Variants in SLC16A7 observed in about 807,000 individuals in gnomAD.
The protein encoded by SLC16A7 is monocarboxylate transporter 2.
In SLC16A7, 33 loss-of-function variants were observed where a neutral mutation model predicts 34.9. That is an observed-to-expected ratio of 0.94 (90% CI 0.72 to 1.26). The LOEUF (loss-of-function observed/expected upper bound fraction) is 1.26, where lower values mean the gene tolerates loss of function less well. Among genes scored for constraint, SLC16A7 ranks in the 50% most tolerant of loss-of-function variants. The probability of loss-of-function intolerance (pLI) is 0.00; values close to 1 mark genes in which losing one functional copy is unlikely to be tolerated. For missense variants in SLC16A7, 573 were observed against 578.1 expected (o/e 0.99, Z 0.09); for synonymous variants, 201 against 206.6 (o/e 0.97, Z 0.23).
At chr12:59,611,678 A>G (rs1242968387) in intron 1 of SLC16A7, among the ~76,000 whole-genome samples, 3 of 152,204 alleles carry the variant, frequency 2.0e-5, no homozygotes, top group Non-Finnish European at 2.9e-5. Flanking sequence ...TGAGCCTGTA[A>G]AATCAAAAGC....
intron 3 of SLC16A7, among the ~76,000 whole-genome samples, chr12:59,752,901 G>A (rs1268240838): frequency 6.6e-6 from 1 of 152,198 alleles, no homozygotes; most frequent in Non-Finnish European, 1.5e-5. Context: ...ACTAACAGCG[G>A]ATCTCTCGGC....
At chr12:59,648,760 C>T (rs1868293816) in intron 1 of SLC16A7, among the ~76,000 whole-genome samples, 1 of 152,050 alleles carries the variant, frequency 6.6e-6, no homozygotes, top group African/African-American at 2.4e-5. Flanking sequence ...GTAAGTAGAA[C>T]ATCAATGTTT....
intron 3 of SLC16A7, among the ~76,000 whole-genome samples, chr12:59,709,034 T>C (rs1379402380): frequency 6.6e-6 from 1 of 151,640 alleles, no homozygotes; most frequent in African/African-American, 2.4e-5. Flanking sequence ...TTAAACTTTC[T>C]ACACTGTTTA....
intron 4 of SLC16A7, among the ~76,000 whole-genome samples, chr12:59,773,993 C>G (rs1056466694): frequency 6.6e-6 from 1 of 152,176 alleles, no homozygotes. Flanking sequence ...GACAGTGGGA[C>G]TTTGGCTCAT....
chr12:59,680,244 A>G (rs1383815016), intron 2 of SLC16A7, among the ~76,000 whole-genome samples: 1 of 152,234 alleles, frequency 6.6e-6, no homozygotes, highest in African/African-American at 2.4e-5. Flanking sequence ...ACAGGGCATC[A>G]GTGAGGTGGT....
At chr12:59,620,747 G>A (rs140251397) in intron 1 of SLC16A7, among the ~76,000 whole-genome samples, 72 of 151,958 alleles carry the variant, frequency 4.7e-4, no homozygotes, top group African/African-American at 1.7e-3. Flanking sequence ...TCAAATGTAC[G>A]ATAAGAACAT....
intron 3 of SLC16A7, among the ~76,000 whole-genome samples, chr12:59,724,644 C>T (rs1306268539): frequency 2.0e-5 from 3 of 151,818 alleles, no homozygotes; most frequent in African/African-American, 7.3e-5. Context: ...GAGATATTTG[C>T]CAAGCTGCAT....
intron 3 of SLC16A7, among the ~76,000 whole-genome samples, chr12:59,728,401 A>G (rs1876541725): frequency 6.6e-6 from 1 of 152,242 alleles, no homozygotes; most frequent in Admixed American, 6.5e-5. Flanking sequence ...CAATTTGCAG[A>G]TAAATGATAA....
intron 3 of SLC16A7, among the ~76,000 whole-genome samples, chr12:59,708,673 C>T (rs548120149): frequency 6.6e-6 from 1 of 152,038 alleles, no homozygotes; most frequent in African/African-American, 2.4e-5. Context: ...CTATTAATCA[C>T]TACTGTGGGG....
intron 1 of SLC16A7, among the ~76,000 whole-genome samples, chr12:59,643,826 G>A (rs917154558): frequency 6.6e-5 from 10 of 152,156 alleles, no homozygotes; most frequent in South Asian, 2.1e-4. Flanking sequence ...GAAGAAAATC[G>A]TGGTGTTACA....
At chr12:59,672,510 C>T (rs1002775305) in intron 2 of SLC16A7, among the ~76,000 whole-genome samples, 2 of 151,840 alleles carry the variant, frequency 1.3e-5, no homozygotes, top group Non-Finnish European at 2.9e-5. Context: ...CTTCCAGTCC[C>T]ACATTCCAGC....
chr12:59,634,948 T>C (rs1045683524), intron 1 of SLC16A7, among the ~76,000 whole-genome samples: 3 of 152,074 alleles, frequency 2.0e-5, no homozygotes, highest in Non-Finnish European at 4.4e-5. Context: ...TGTTATGGTT[T>C]CCACATTCTA....
rs1883767675 is a variant in SLC16A7 at position 59,788,403 on chromosome 12, T to C, written c.*8724T>C. On this transcript the variant is annotated 3_prime_UTR_variant, in exon 6 of 6. Coordinates refer to ENST00000547379, the MANE Select transcript of SLC16A7 (RefSeq NM_001270623.2). ...GTAGTTGTCTTGTTTATTCTATAGATATCTTAATGACCACTGAACAAATGA... is the reference window on the plus strand; with the variant it reads ...GTAGTTGTCTTGTTTATTCTATAGACATCTTAATGACCACTGAACAAATGA... 1 of 152,112 alleles carries C rather than the reference T, an allele frequency of 6.6e-6. No individual in the cohort carries two copies. Among genetic ancestry groups the C allele is most frequent in the Admixed American group, 6.6e-5 (1 of 15,264 alleles). The allele number at this position is 152,112 out of a possible 1,614,324, so 9.4% of individuals were successfully genotyped here.
At chr12:59,597,351 T>C (rs1209015222) in intron 1 of SLC16A7, among the ~76,000 whole-genome samples, 1 of 151,978 alleles carries the variant, frequency 6.6e-6, no homozygotes, top group Non-Finnish European at 1.5e-5. Context: ...CGTGTCCTCC[T>C]TCCCTCTTGG....
chr12:59,713,440 A>C lies in SLC16A7; in HGVS notation c.217+8422A>C, dbSNP rs1363832587. ...TTAACTATTTTAAAGGGCTCTGTAA[A>C]AATTGAAATTAATTTTTATATTTTC... is the stretch of plus-strand genomic sequence containing the variant. On this transcript the variant is annotated intron_variant, in intron 3 of 5. Transcript: ENST00000547379. Among the ~76,000 whole-genome samples the C allele has an allele frequency of 2.6e-5, 4 of 152,348 alleles. No individual in the cohort carries two copies. In the East Asian group the frequency reaches 7.7e-4, roughly 29 times the overall value.
intron 5 of SLC16A7, 83 bp from the exon 6 acceptor site, chr12:59,779,340 C>T: frequency 9.3e-7 from 1 of 1,077,036 alleles, no homozygotes; most frequent in Non-Finnish European, 1.3e-6. Flanking sequence ...GAGGAATATA[C>T]TTTGAAGAAT....
rs569378193 is a variant in SLC16A7, at chr12:59,780,071, T to C, written c.*392T>C. 1.8e-5 allele frequency: 3 copies of C among 164,022 alleles called. No individual in the cohort carries two copies. Among genetic ancestry groups the C allele is most frequent in the Admixed American group, 5.8e-5 (1 of 17,344 alleles). 10.2% of individuals were successfully genotyped at this position (164,022 alleles called of 1,614,324 possible). On this transcript the variant is annotated 3_prime_UTR_variant, in exon 6 of 6. Transcript: ENST00000547379. ...ACAAAGTGACCCTTTATACATTTCA[T>C]TTTTTATTTGATATTAAAGTATGAG... is the stretch of plus-strand genomic sequence containing the variant.
chr12:59,676,138 C>T (rs1476664645), intron 2 of SLC16A7, among the ~76,000 whole-genome samples: 1 of 151,950 alleles, frequency 6.6e-6, no homozygotes, highest in Admixed American at 6.6e-5. Flanking sequence ...AGTCTCAAAA[C>T]CTAAAGTTGA....
intron 3 of SLC16A7, among the ~76,000 whole-genome samples, chr12:59,725,060 C>T (rs1297927739): frequency 6.6e-6 from 1 of 151,670 alleles, no homozygotes; most frequent in African/African-American, 2.4e-5. Flanking sequence ...TGCATGAATG[C>T]TTTCCCTCAA....
Sources: allele counts gnomAD v4.1 joint callset (sites outside exome capture counted in the v4.1 genomes callset), GRCh38; gene constraint gnomAD v4.1.1; transcripts MANE v1.5; gene names NCBI Gene and HGNC (gene_info 2026-07-23, HGNC 2026-07-21).